Variants in ATP8A2 observed in about 807,000 individuals in gnomAD.
ATP8A2 encodes the protein phospholipid-transporting ATPase IB.
ATP8A2 carries 100 observed loss-of-function variants against 165.6 expected under a neutral mutation model. The observed-to-expected ratio is 0.60, with a 90% CI of 0.51 to 0.71. ATP8A2 has a LOEUF of 0.71. Among genes scored for constraint, ATP8A2 ranks in the 30% least tolerant of loss-of-function variants. ATP8A2 has a pLI of 0.00. For missense variants in ATP8A2, 1,227 were observed against 1,479.5 expected, an observed-to-expected ratio of 0.83 and a Z score of 2.80; for synonymous variants, 543 against 548.8, an observed-to-expected ratio of 0.99 and a Z score of 0.15.
At chr13:25,588,821 A>C (rs2039991715) in intron 23 of ATP8A2, among the ~76,000 whole-genome samples, 1 of 152,196 alleles carries the variant, frequency 6.6e-6, no homozygotes, top group African/African-American at 2.4e-5. Context: ...GAGACAGGCC[A>C]GTGCCCTGGC....
intron 27 of ATP8A2, among the ~76,000 whole-genome samples, chr13:25,802,233 A>G (rs1460308632): frequency 6.6e-6 from 1 of 152,194 alleles, no homozygotes; most frequent in Non-Finnish European, 1.5e-5. Flanking sequence ...ATGAACAATG[A>G]GTAATGGCAG....
At chr13:25,580,945 T>A (rs1223175901) in intron 22 of ATP8A2, among the ~76,000 whole-genome samples, 2 of 152,240 alleles carry the variant, frequency 1.3e-5, no homozygotes, top group Non-Finnish European at 2.9e-5. Flanking sequence ...TTTGTTTAAG[T>A]TTTATATTCA....
intron 30 of ATP8A2, among the ~76,000 whole-genome samples, chr13:25,842,738 A>AGAAGGAAG (rs907836398): frequency 6.6e-6 from 1 of 151,362 alleles, no homozygotes; most frequent in East Asian, 1.9e-4. Flanking sequence ...AGGGAAAGGA[A>AGAAGGAAG]GAAGGAAGGA....
chr13:25,825,424 G>T (rs764377858), intron 27 of ATP8A2, among the ~76,000 whole-genome samples: 4 of 151,874 alleles, frequency 2.6e-5, no homozygotes, highest in Non-Finnish European at 4.4e-5. Context: ...CTCCCAAAGT[G>T]CTGGGATTAC....
At chr13:25,616,886 C>T (rs1276835154) in intron 24 of ATP8A2, among the ~76,000 whole-genome samples, 3 of 152,114 alleles carry the variant, frequency 2.0e-5, no homozygotes, top group African/African-American at 7.2e-5. Context: ...ATAATAACAG[C>T]CCTTTGACAC....
intron 1 of ATP8A2, among the ~76,000 whole-genome samples, chr13:25,456,100 G>A (rs1314691376): frequency 6.6e-6 from 1 of 152,198 alleles, no homozygotes; most frequent in African/African-American, 2.4e-5. Context: ...TCATGGCTTT[G>A]TCTCACTGCA....
intron 33 of ATP8A2, among the ~76,000 whole-genome samples, chr13:25,868,408 G>C (rs569671126): frequency 4.6e-5 from 7 of 152,302 alleles, no homozygotes; most frequent in Admixed American, 3.9e-4. Flanking sequence ...GTGAGGAGCG[G>C]TCAGCCTCGT....
chr13:25,971,263 T>C (rs1055611471), intron 35 of ATP8A2, among the ~76,000 whole-genome samples: 1 of 152,096 alleles, frequency 6.6e-6, no homozygotes, highest in Non-Finnish European at 1.5e-5. Flanking sequence ...CGTGCTGCTC[T>C]CTGCACAGAG....
intron 33 of ATP8A2, among the ~76,000 whole-genome samples, chr13:25,896,918 T>A (rs1953571635): frequency 6.6e-6 from 1 of 152,338 alleles, no homozygotes; most frequent in South Asian, 2.1e-4. Flanking sequence ...ATTTTGAGCC[T>A]ATGTGTGTCT....
chr13:25,922,742 A>T (rs1954495601), intron 33 of ATP8A2, among the ~76,000 whole-genome samples: 1 of 152,184 alleles, frequency 6.6e-6, no homozygotes, highest in South Asian at 2.1e-4. Flanking sequence ...TATCCTACAC[A>T]GGGGTGTGGG....
intron 33 of ATP8A2, among the ~76,000 whole-genome samples, chr13:25,882,810 A>G (rs1953019741): frequency 1.3e-5 from 2 of 152,032 alleles, no homozygotes; most frequent in African/African-American, 4.8e-5. Context: ...CCAAGCGTCT[A>G]CTCACTGATG....
At chr13:25,847,859 C>G (rs1951905726) in intron 30 of ATP8A2, among the ~76,000 whole-genome samples, 1 of 152,136 alleles carries the variant, frequency 6.6e-6, no homozygotes, top group African/African-American at 2.4e-5. Flanking sequence ...GAGCCCACAC[C>G]CCCAGCCACC....
Position 25,485,436 on chromosome 13 carries a change from A to G in ATP8A2, c.221+16315A>G, listed in dbSNP as rs553802598. Among the ~76,000 whole-genome samples, 3 of 152,166 alleles carry G rather than the reference A, an allele frequency of 2.0e-5. No individual in the cohort carries two copies. The South Asian group carries it at 6.2e-4, about 32-fold the overall frequency. On this transcript the variant is annotated intron_variant, in intron 2 of 36. Coordinates refer to ENST00000381655, the MANE Select transcript of ATP8A2 (RefSeq NM_016529.6). ...AAGATTTCTTTTCATACTTTTACCAACCTCCTTCCACTGCTTTATCTAAAT... is the reference window on the plus strand; with the variant it reads ...AAGATTTCTTTTCATACTTTTACCAGCCTCCTTCCACTGCTTTATCTAAAT...
intron 24 of ATP8A2, among the ~76,000 whole-genome samples, chr13:25,606,927 G>T (rs945788239): frequency 6.6e-6 from 1 of 151,800 alleles, no homozygotes; most frequent in African/African-American, 2.4e-5. Context: ...AAGGGTCCCC[G>T]ACCCCCAGGG....
At chr13:25,465,775 C>T (rs1479920383) in intron 1 of ATP8A2, among the ~76,000 whole-genome samples, 218 of 115,406 alleles carry the variant, frequency 1.9e-3, no homozygotes, top group Middle Eastern at 4.1e-3. Flanking sequence ...CTCTCTTTCT[C>T]TCTTTCTCTC....
At chr13:25,436,699 G>A (rs1225707180) in intron 1 of ATP8A2, among the ~76,000 whole-genome samples, 1 of 152,052 alleles carries the variant, frequency 6.6e-6, no homozygotes, top group African/African-American at 2.4e-5. Context: ...TTCCATAGTG[G>A]CTGAACTAAT....
In ATP8A2 at chr13:25,783,521, C is replaced by G. The variant is rs930278114; in HGVS notation, c.2679+8562C>G. On this transcript the variant is annotated intron_variant, in intron 27 of 36. Coordinates refer to ENST00000381655, the MANE Select transcript of ATP8A2 (RefSeq NM_016529.6). ...TAGAGAATGCAGATAAGAATTCCCA[C>G]AATTATAATATGGTGTGGTGGGGCT... 1.4e-4 allele frequency among the ~76,000 whole-genome samples: 22 copies of G among 152,266 alleles called. No individual in the cohort carries two copies. The East Asian group carries it at 1.9e-3, about 13-fold the overall frequency.
intron 1 of ATP8A2, among the ~76,000 whole-genome samples, chr13:25,450,528 T>TTGTGTGTG (rs10562123): frequency 6.6e-6 from 1 of 150,518 alleles, no homozygotes; most frequent in African/African-American, 2.4e-5. Flanking sequence ...TGACTGGTCT[T>TTGTGTGTG]TGTGTGTGTG....
chr13:25,544,096 G>A (rs1593501205), intron 10 of ATP8A2, among the ~76,000 whole-genome samples: 4 of 152,216 alleles, frequency 2.6e-5, no homozygotes, highest in Admixed American at 2.6e-4. Context: ...ACATTTGGCT[G>A]TATTTCTTGA....
Sources: gnomAD v4.1 joint callset for allele counts (sites outside exome capture counted in the v4.1 genomes callset) on GRCh38, gnomAD v4.1.1 for gene constraint, MANE v1.5 for transcripts, NCBI Gene and HGNC (gene_info 2026-07-23, HGNC 2026-07-21) for gene names.